The following ERMARD variants were observed in gnomAD, a reference collection of about 807,000 sequenced individuals.
ERMARD encodes ER membrane associated RNA degradation, also known as endoplasmic reticulum membrane-associated RNA degradation protein.
Under a neutral mutation model 83.9 loss-of-function variants are expected in ERMARD, and 71 were observed. The observed-to-expected ratio is 0.85, with a 90% CI of 0.70 to 1.03. The LOEUF (loss-of-function observed/expected upper bound fraction) is 1.03. ERMARD is among the 50% of genes least tolerant of loss of function. ERMARD has a pLI of 0.00. For missense variants in ERMARD, 838 were observed against 810.9 expected, an observed-to-expected ratio of 1.03 and a Z score of -0.41; for synonymous variants, 284 against 298.6, an observed-to-expected ratio of 0.95 and a Z score of 0.50.
rs1333795691 is a variant in ERMARD at position 169,760,531 on chromosome 6, C to T, written c.743-111C>T. On this transcript the variant is annotated intron_variant, in intron 7 of 17. Transcript: ENST00000366773. ...AACAAGTCCCCTGCTGCAGGGGTCA[C>T]GGTTCAGCCACCTAAAGGGGTTGGC... 4.8e-5 allele frequency: 35 copies of T among 734,458 alleles called. 1 individual carries two copies. Among genetic ancestry groups the T allele is most frequent in the Admixed American group, 4.7e-4 (18 of 38,036 alleles). 45.5% of individuals were successfully genotyped at this position (734,458 alleles called of 1,614,324 possible). A position where few individuals can be genotyped will look rare whatever the true frequency, so the allele number is the denominator to read the frequency against.
chr6:169,772,596 G>A (rs941302377), intron 12 of ERMARD, among the ~76,000 whole-genome samples: 3 of 151,794 alleles, frequency 2.0e-5, no homozygotes, highest in Non-Finnish European at 2.9e-5. Context: ...GTGAAACCCC[G>A]TCTCTACTAA....
At position 169,776,541 on chromosome 6, in the gene ERMARD, T is replaced by C. The variant is rs1562350675; in HGVS notation, c.1607T>C (p.Leu536Pro). ...ATTGTGCTGGAAGTGCTGGTTGTGC[T>C]CCGAAGCATCAGCGAACAGTGCCGC... ...PRIVLEVLVV[L>P]RSISEQCRRV... The change falls in exon 16 of 18, where the codon CTC (leucine) becomes CCC (proline). Residue 536 changes from leucine (L) to proline (P), a missense_variant. Physicochemically the swap from Leu to Pro is moderately conservative, Grantham distance 98. Coordinates refer to ENST00000366773, the MANE Select transcript of ERMARD (RefSeq NM_018341.3). 1.2e-6 allele frequency: 2 copies of C among 1,614,058 alleles called. No individual in the cohort carries two copies. The highest frequency in any genetic ancestry group is 1.3e-5 in the African/African-American group (1 of 74,916).
At chr6:169,769,418 G>A (rs914394226) in intron 11 of ERMARD, 122 bp from the exon 12 acceptor site, 2 of 860,366 alleles carry the variant, frequency 2.3e-6, no homozygotes, top group South Asian at 2.2e-5. Context: ...CTCCCCAGCA[G>A]AGTCCCACCC....
chr6:169,765,887 C>CTCACTGA (rs1792132141), intron 9 of ERMARD, among the ~76,000 whole-genome samples: 3 of 100,028 alleles, frequency 3.0e-5, no homozygotes, highest in Admixed American at 2.9e-4. Context: ...GTGATTTCAT[C>CTCACTGA]AGGCTGTCTG....
Position 169,780,601 on chromosome 6 carries a change from C to T in ERMARD, c.1854-729C>T, listed in dbSNP as rs1397453626. Among the ~76,000 whole-genome samples the T allele has an allele frequency of 2.0e-5, 3 of 152,210 alleles. No individual in the cohort carries two copies. In the East Asian group the frequency reaches 5.8e-4, roughly 29 times the overall value. ...ACACATCTTCTCTGAGCCGGCCCCTCCATCACGGGGGATGGAAATTGGATG... is the reference window on the plus strand; with the variant it reads ...ACACATCTTCTCTGAGCCGGCCCCTTCATCACGGGGGATGGAAATTGGATG... On this transcript the variant is annotated intron_variant, in intron 17 of 17. Transcript: ENST00000366773.
chr6:169,755,198 A>G, intron 2 of ERMARD, 85 bp from the exon 3 acceptor site: 2 of 1,472,572 alleles, frequency 1.4e-6, no homozygotes, highest in Non-Finnish European at 9.1e-7. Context: ...TTATAATTAA[A>G]GCATTTTTTT....
intron 9 of ERMARD, 102 bp from the exon 10 acceptor site, chr6:169,766,536 G>T: frequency 2.4e-6 from 2 of 829,028 alleles, no homozygotes; most frequent in Non-Finnish European, 3.7e-6. Context: ...AAAAACTTTG[G>T]GATGTGTGGC....
Position 169,753,734 on chromosome 6 carries a change from G to A in ERMARD, c.7-130G>A, listed in dbSNP as rs539734184. The stretch of plus-strand genomic sequence containing the variant: ...TATGTTTTAATCATACAGCTCTCAC[G>A]ATATCCAGAAAGCATGTTAACAGCA... On this transcript the variant is annotated intron_variant, in intron 1 of 17. Coordinates refer to ENST00000366773, the MANE Select transcript of ERMARD (RefSeq NM_018341.3). 1.4e-5 allele frequency: 8 copies of A among 556,810 alleles called. 1 individual carries two copies. The highest frequency in any genetic ancestry group is 4.5e-5 in the South Asian group (1 of 22,046). 34.5% of individuals were successfully genotyped at this position (556,810 alleles called of 1,614,324 possible).
chr6:169,758,613 G>A (rs1791120445), intron 5 of ERMARD, among the ~76,000 whole-genome samples: 1 of 152,172 alleles, frequency 6.6e-6, no homozygotes, highest in Non-Finnish European at 1.5e-5. Flanking sequence ...CACATTTGAA[G>A]CAACTTTATT....
chr6:169,763,470 A>G (rs1791805501), intron 9 of ERMARD, among the ~76,000 whole-genome samples: 1 of 152,244 alleles, frequency 6.6e-6, no homozygotes, highest in South Asian at 2.1e-4. Flanking sequence ...TGGAGGTAGC[A>G]CAGGCCTTGG....
chr6:169,776,762 CAG>C, intron 16 of ERMARD, 89 bp downstream of exon 16: 17 of 1,442,928 alleles, frequency 1.2e-5, no homozygotes, highest in Non-Finnish European at 1.6e-5. Flanking sequence ...CAGACACACA[CAG>C]TAGCCCCTCA....
chr6:169,773,303 GT>G lies in ERMARD; in HGVS notation c.1234-12del. 1 of 1,613,018 alleles carries G rather than the reference GT, an allele frequency of 6.2e-7. No homozygotes were observed. Among genetic ancestry groups the G allele is most frequent in the Non-Finnish European group, 8.5e-7 (1 of 1,179,164 alleles). ...CCACCCAAACATGATAGTAACCACT[GT>G]TTTCTCTGCACTAGGAAAAATCAGC... On this transcript the variant is annotated splice_polypyrimidine_tract_variant and intron_variant, in intron 12 of 17. Transcript: ENST00000366773.
intron 12 of ERMARD, chr6:169,771,846 G>T (rs1164867556): frequency 6.6e-6 from 1 of 152,092 alleles, no homozygotes; most frequent in Non-Finnish European, 1.5e-5. Context: ...GACCAGCCTG[G>T]TCAACATGGT....
intron 13 of ERMARD, among the ~76,000 whole-genome samples, chr6:169,773,897 AG>A (rs1793274606): frequency 1.3e-5 from 2 of 152,232 alleles, no homozygotes; most frequent in Non-Finnish European, 2.9e-5. Flanking sequence ...GGGTAGTGCA[AG>A]GGGATGAAAG....
chr6:169,761,976 C>G (rs556409349), intron 8 of ERMARD, among the ~76,000 whole-genome samples: 1 of 152,220 alleles, frequency 6.6e-6, no homozygotes, highest in Admixed American at 6.5e-5. Context: ...AGCCACTGCG[C>G]CCAGCTGGTT....
At chr6:169,779,361 G>C (rs1420138116) in intron 17 of ERMARD, 66 bp downstream of exon 17, 1 of 1,405,552 alleles carries the variant, frequency 7.1e-7, no homozygotes, top group Middle Eastern at 1.8e-4. Context: ...TGAGCCTGTA[G>C]GAGTGAGATT....
At position 169,766,601 on chromosome 6, in the gene ERMARD, TTTAA is replaced by T. The variant is rs776352078; in HGVS notation, c.961-34_961-31del. 2.4e-5 allele frequency: 37 copies of T among 1,545,390 alleles called. No individual in the cohort carries two copies. In the African/African-American group the frequency reaches 3.1e-4, roughly 13 times the overall value. On this transcript the variant is annotated intron_variant, in intron 9 of 17. Transcript: ENST00000366773. Reference sequence around the variant, plus strand: ...TAGTGTTAGTGTATTTGTATTTTGCTTTAATTGTTTATTTTCATTTCTTTCCTTT... The same window carrying T: ...TAGTGTTAGTGTATTTGTATTTTGCTTTGTTTATTTTCATTTCTTTCCTTT...
Position 169,775,951 on chromosome 6 carries a change from A to C in ERMARD, c.1406A>C (p.Asn469Thr). The C allele has an allele frequency of 1.9e-6, 3 of 1,614,124 alleles. No individual in the cohort carries two copies. The highest frequency in any genetic ancestry group is 2.5e-6 in the Non-Finnish European group (3 of 1,180,034). The change falls in exon 15 of 18, where the codon AAT becomes ACT. Residue 469 changes from asparagine to threonine, a missense_variant. By Grantham distance (65) the Asn-to-Thr change is moderately conservative. Coordinates refer to ENST00000366773, the MANE Select transcript of ERMARD (RefSeq NM_018341.3). ...TTTCTGTTTTTCAGATTAGAAGATA[A>C]TTCTGAAACAAATGCCTGCCACTCT... ...LTRQAVRLED[N>T]SETNACHSLI...
At chr6:169,776,298 G>A in intron 15 of ERMARD, 157 bp from the exon 16 acceptor site, 1 of 1,551,868 alleles carries the variant, frequency 6.4e-7, no homozygotes, top group Non-Finnish European at 8.7e-7. Context: ...AGTGTGTTTA[G>A]TTAACACTTG....
Sources: allele counts gnomAD v4.1 joint callset (sites outside exome capture counted in the v4.1 genomes callset), GRCh38; gene constraint gnomAD v4.1.1; transcripts MANE v1.5; gene names NCBI Gene and HGNC (gene_info 2026-07-23, HGNC 2026-07-21).